IKZF2: variants seen among roughly 807,000 people sequenced by gnomAD.
IKZF2 encodes the protein zinc finger protein Helios.
Under a neutral mutation model 49.2 loss-of-function variants are expected in IKZF2, and 15 were observed. The ratio of observed to expected loss-of-function variants is 0.30; its 90% confidence interval spans 0.20 to 0.47. IKZF2 has a LOEUF of 0.47. IKZF2 is among the 20% of genes least tolerant of loss of function. The pLI, the probability that IKZF2 is intolerant of heterozygous loss-of-function variation, is 1.00. For synonymous variants in IKZF2, 227 were observed against 221.4 expected (o/e 1.03, Z -0.23); for missense variants, 567 against 664.6 (o/e 0.85, Z 1.61).
chr2:213,139,831 C>T (rs776935757), intron 4 of IKZF2, among the ~76,000 whole-genome samples: 2 of 151,966 alleles, frequency 1.3e-5, no homozygotes, highest in African/African-American at 2.4e-5. Context: ...CAAATTTACA[C>T]ACATTTGAAA....
chr2:213,126,863 G>T (rs1313617663), intron 4 of IKZF2, among the ~76,000 whole-genome samples: 1 of 152,138 alleles, frequency 6.6e-6, no homozygotes, highest in African/African-American at 2.4e-5. Context: ...CATCAGAATG[G>T]AATGATTATT....
At chr2:213,038,052 G>GTTTTC (rs1216700295) in intron 6 of IKZF2, among the ~76,000 whole-genome samples, 66 of 149,104 alleles carry the variant, frequency 4.4e-4, no homozygotes, top group South Asian at 1.3e-3. Context: ...GTTTTGTTTT[G>GTTTTC]TTTTCTTTTC....
rs2061130261 is a variant in IKZF2 at position 213,147,771 on chromosome 2, C to T, written c.76G>A (p.Ala26Thr). The stretch of plus-strand genomic sequence containing the variant: ...GGTGTGCTTGAGGTGAGGTCAATTG[C>T]CATATTGGAGTGCTCCCTTTCGGGT... ...LSPEREHSNM[A>T]IDLTSSTPNG... The change falls in exon 4 of 9, where the codon GCA becomes ACA. Residue 26 changes from alanine (A) to threonine (T), a missense_variant. Transcript: ENST00000434687. The T allele has an allele frequency of 6.2e-7, 1 of 1,613,894 alleles. No homozygotes were observed. The highest frequency in any genetic ancestry group is 8.5e-7 in the Non-Finnish European group (1 of 1,179,822).
intron 6 of IKZF2, among the ~76,000 whole-genome samples, chr2:213,035,598 C>T (rs1400845256): frequency 6.6e-6 from 1 of 152,172 alleles, no homozygotes; most frequent in African/African-American, 2.4e-5. Flanking sequence ...ATGCCAAGAT[C>T]TTGGGAAAAC....
chr2:213,150,619 C>T (rs952160651), intron 1 of IKZF2, among the ~76,000 whole-genome samples: 3 of 142,672 alleles, frequency 2.1e-5, no homozygotes, highest in Non-Finnish European at 4.5e-5. Flanking sequence ...AGTGCTATAG[C>T]AATGCGATTA....
At chr2:213,022,194 GC>G (rs1697305092) in intron 6 of IKZF2, 64 bp from the exon 7 acceptor site, 2 of 1,423,182 alleles carry the variant, frequency 1.4e-6, no homozygotes, top group Non-Finnish European at 1.9e-6. Flanking sequence ...AAAATCAATA[GC>G]TAACTTTTGA....
chr2:213,047,618 T>C (rs1344148227), intron 6 of IKZF2, among the ~76,000 whole-genome samples: 3 of 152,120 alleles, frequency 2.0e-5, no homozygotes, highest in African/African-American at 7.2e-5. Context: ...TATTGGAAGC[T>C]GAGAATACTC....
chr2:213,001,965 GTAAAT>G lies in IKZF2; in HGVS notation c.*5390_*5394del, dbSNP rs1469364960. 1 of 151,510 alleles carries G rather than the reference GTAAAT, an allele frequency of 6.6e-6. No homozygotes were observed. Among genetic ancestry groups the G allele is most frequent in the Non-Finnish European group, 1.5e-5 (1 of 67,566 alleles). 9.4% of individuals were successfully genotyped at this position (151,510 alleles called of 1,614,324 possible). On this transcript the variant is annotated 3_prime_UTR_variant, in exon 9 of 9. Transcript: ENST00000434687. ...TCATTTTTTAAAAAATCAATTTCCA[GTAAAT>G]TAAAGTAAGTAAAATCTTGGTAAGT...
chr2:213,076,561 T>C (rs551870575), intron 4 of IKZF2, among the ~76,000 whole-genome samples: 1 of 152,328 alleles, frequency 6.6e-6, no homozygotes, highest in African/African-American at 2.4e-5. Context: ...CAAACGTAAA[T>C]TCATATATTC....
chr2:213,084,158 G>A (rs867748027), intron 4 of IKZF2, among the ~76,000 whole-genome samples: 11 of 152,134 alleles, frequency 7.2e-5, no homozygotes, highest in Middle Eastern at 6.8e-3. Context: ...CATATGATGT[G>A]GAATTCAACC....
chr2:213,010,363 T>C (rs1055631783), intron 8 of IKZF2, among the ~76,000 whole-genome samples: 1 of 152,038 alleles, frequency 6.6e-6, no homozygotes, highest in African/African-American at 2.4e-5. Context: ...TGCCTACTCA[T>C]AGATCAGGGA....
chr2:213,087,519 A>G (rs2125614114), intron 4 of IKZF2, among the ~76,000 whole-genome samples: 1 of 152,258 alleles, frequency 6.6e-6, no homozygotes, highest in South Asian at 2.1e-4. Flanking sequence ...TTATACTTTA[A>G]GTTCTAGGGT....
intron 6 of IKZF2, among the ~76,000 whole-genome samples, chr2:213,048,637 T>G (rs1404977144): frequency 6.6e-6 from 1 of 152,044 alleles, no homozygotes; most frequent in East Asian, 1.9e-4. Flanking sequence ...GAAAGAAAAA[T>G]ATATACTTAA....
In IKZF2 at chr2:213,051,224, T is replaced by C. The variant is rs138874798; in HGVS notation, c.407-1344A>G. Among the ~76,000 whole-genome samples the C allele has an allele frequency of 5.6e-4, 85 of 152,150 alleles. 2 individuals are homozygous for C. In the East Asian group the frequency reaches 0.016, roughly 29 times the overall value. On this transcript the variant is annotated intron_variant, in intron 5 of 8. Transcript: ENST00000434687. ...TATGGTCACTTTCTGGCAGCAGCTA[T>C]TGAAAATTCTATCATATAGATTTGT...
chr2:213,151,181 C>A (rs2061271725), intron 1 of IKZF2, among the ~76,000 whole-genome samples: 1 of 152,036 alleles, frequency 6.6e-6, no homozygotes, highest in Admixed American at 6.6e-5. Context: ...CTAATCAGAA[C>A]CACAATCCAT....
At chr2:213,128,793 A>G (rs1322907267) in intron 4 of IKZF2, among the ~76,000 whole-genome samples, 2 of 138,046 alleles carry the variant, frequency 1.4e-5, no homozygotes, top group Non-Finnish European at 1.5e-5. Context: ...ACACCACACT[A>G]ATTTTTTTTT....
chr2:213,141,742 G>A (rs779914512), intron 4 of IKZF2, among the ~76,000 whole-genome samples: 8 of 151,816 alleles, frequency 5.3e-5, no homozygotes, highest in Non-Finnish European at 7.4e-5. Context: ...TTTAATGTCT[G>A]TCTGTCCCAC....
chr2:213,049,686 T>C lies in IKZF2; in HGVS notation c.574+27A>G, dbSNP rs1409678788. 2.0e-6 allele frequency: 3 copies of C among 1,508,260 alleles called. No homozygotes were observed. The East Asian group carries it at 7.0e-5, about 35-fold the overall frequency. 93.4% of individuals were successfully genotyped at this position (1,508,260 alleles called of 1,614,324 possible). A position where few individuals can be genotyped will look rare whatever the true frequency, so the allele number is the denominator to read the frequency against. Reference sequence around the variant, plus strand: ...CTTCTAAGTTTTCCTGTTTTACTTTTCTTCTCAAGGAGTTGGTGACACTTA... The same window carrying C: ...CTTCTAAGTTTTCCTGTTTTACTTTCCTTCTCAAGGAGTTGGTGACACTTA... On this transcript the variant is annotated intron_variant, in intron 6 of 8. Coordinates refer to ENST00000434687, the MANE Select transcript of IKZF2 (RefSeq NM_001387220.1).
rs1223651484 is a variant in IKZF2, at chr2:213,005,287, G to A, written c.*2073C>T. 6.6e-6 allele frequency: 1 copy of A among 150,830 alleles called. No homozygotes were observed. The highest frequency in any genetic ancestry group is 1.5e-5 in the Non-Finnish European group (1 of 67,724). 9.3% of individuals were successfully genotyped at this position (150,830 alleles called of 1,614,324 possible). ...GCATGCAGAAAAAAAAAAATGAAAT[G>A]GTTGACATTCTATATATCTCTGTTT... On this transcript the variant is annotated 3_prime_UTR_variant, in exon 9 of 9. Transcript: ENST00000434687.
Sources: gnomAD v4.1 joint callset for allele counts (sites outside exome capture counted in the v4.1 genomes callset) on GRCh38, gnomAD v4.1.1 for gene constraint, MANE v1.5 for transcripts, NCBI Gene and HGNC (gene_info 2026-07-23, HGNC 2026-07-21) for gene names.